The following TMEM117 variants were observed in gnomAD, a reference collection of about 807,000 sequenced individuals.
TMEM117 encodes the protein transmembrane protein 117.
Under a neutral mutation model 52.4 loss-of-function variants are expected in TMEM117, and 27 were observed. The observed-to-expected ratio is 0.51, with a 90% confidence interval of 0.38 to 0.71. The LOEUF (loss-of-function observed/expected upper bound fraction) is 0.71, where lower values mean the gene tolerates loss of function less well. TMEM117 is among the 30% of genes least tolerant of loss of function. The pLI, the probability that TMEM117 is intolerant of heterozygous loss-of-function variation, is 0.00. For missense variants in TMEM117, 556 were observed against 630.5 expected (o/e 0.88, Z 1.26); for synonymous variants, 215 against 206.3 (o/e 1.04, Z -0.36).
intron 5 of TMEM117, among the ~76,000 whole-genome samples, chr12:44,235,174 T>G (rs1949980395): frequency 6.6e-6 from 1 of 150,674 alleles, no homozygotes; most frequent in Non-Finnish European, 1.5e-5. Context: ...TTGAAGTGAT[T>G]CTCTTCGTAC....
At chr12:44,285,792 G>C (rs2138607603) in intron 5 of TMEM117, among the ~76,000 whole-genome samples, 1 of 152,328 alleles carries the variant, frequency 6.6e-6, no homozygotes, top group East Asian at 1.9e-4. Context: ...GGCCATCTGT[G>C]ACTTCAGTGT....
the TMEM117 span, among the ~76,000 whole-genome samples, chr12:43,813,663 G>GT: frequency 6.6e-6 from 1 of 151,998 alleles, no homozygotes; most frequent in Admixed American, 6.6e-5. Flanking sequence ...CCTAGGCAGT[G>GT]TTTTCTACAC....
chr12:44,090,837 G>GTTTTT (rs1565823272), intron 3 of TMEM117, among the ~76,000 whole-genome samples: 1 of 112,424 alleles, frequency 8.9e-6, no homozygotes, highest in African/African-American at 5.3e-5. Flanking sequence ...CTGTATTTAT[G>GTTTTT]TGTTTTTTTT....
chr12:44,336,779 T>C (rs1419697130), intron 6 of TMEM117, among the ~76,000 whole-genome samples: 1 of 151,952 alleles, frequency 6.6e-6, no homozygotes, highest in African/African-American at 2.4e-5. Flanking sequence ...TATAAATGAT[T>C]AAGTCTAGAT....
intron 4 of TMEM117, among the ~76,000 whole-genome samples, chr12:44,186,289 T>C (rs1949277280): frequency 6.6e-6 from 1 of 152,182 alleles, no homozygotes; most frequent in Admixed American, 6.6e-5. Context: ...CAAGGAATCT[T>C]ATGCCTCAAA....
At chr12:44,014,661 A>G (rs1450192885) in intron 3 of TMEM117, among the ~76,000 whole-genome samples, 6 of 152,180 alleles carry the variant, frequency 3.9e-5, no homozygotes, top group South Asian at 2.1e-4. Flanking sequence ...CTCTTGTACT[A>G]TATGGTTAAT....
At chr12:44,324,746 G>A (rs1951174376) in intron 6 of TMEM117, among the ~76,000 whole-genome samples, 1 of 151,938 alleles carries the variant, frequency 6.6e-6, no homozygotes. Context: ...ACAATATGTT[G>A]CTAACATTTC....
chr12:43,995,359 GACTAGAT>G (rs140638171), intron 3 of TMEM117, among the ~76,000 whole-genome samples: 3,316 of 151,740 alleles, frequency 0.022, 44 homozygotes, highest in Middle Eastern at 0.082. Context: ...TTTTCCCTCT[GACTAGAT>G]ACCTTTTGTA....
intron 6 of TMEM117, chr12:44,318,368 T>G (rs80248055): frequency 0.048 from 7,312 of 152,060 alleles, 366 homozygotes; most frequent in African/African-American, 0.12. Context: ...CTATGTACGT[T>G]AAGGTGAGAT....
At chr12:43,871,887 A>G (rs902326302) in intron 2 of TMEM117, among the ~76,000 whole-genome samples, 5 of 152,164 alleles carry the variant, frequency 3.3e-5, no homozygotes, top group African/African-American at 1.2e-4. Flanking sequence ...AAATATACAT[A>G]TCAGTTGATC....
chr12:43,856,143 A>G lies in TMEM117; in HGVS notation c.277+11215A>G, dbSNP rs184041423. 1.8e-4 allele frequency among the ~76,000 whole-genome samples: 28 copies of G among 152,302 alleles called. No homozygotes were observed. In the East Asian group the frequency reaches 4.1e-3, roughly 22 times the overall value. On this transcript the variant is annotated intron_variant, in intron 2 of 7. Transcript: ENST00000266534. ...ATTATTTTAATAATTGTATTATCAG[A>G]GTGCTAAGGACTTTTTTGGGGAAAT...
intron 3 of TMEM117, among the ~76,000 whole-genome samples, chr12:44,125,143 C>T (rs192596092): frequency 0.011 from 1,684 of 152,062 alleles, 34 homozygotes; most frequent in African/African-American, 0.038. Flanking sequence ...CTTGCTCTTT[C>T]GCCCAGGCTG....
chr12:44,093,790 G>T (rs575071733), intron 3 of TMEM117, among the ~76,000 whole-genome samples: 1 of 125,152 alleles, frequency 8.0e-6, no homozygotes, highest in African/African-American at 3.3e-5. Flanking sequence ...CTTTCTTGGA[G>T]GAAGGCAGAT....
chr12:44,141,546 T>C (rs1005705729), intron 3 of TMEM117, among the ~76,000 whole-genome samples: 12 of 152,152 alleles, frequency 7.9e-5, no homozygotes, highest in African/African-American at 2.4e-4. Context: ...TATACAAATG[T>C]ATGCAATTAC....
At chr12:43,922,235 G>T (rs777403248) in intron 2 of TMEM117, among the ~76,000 whole-genome samples, 1 of 152,004 alleles carries the variant, frequency 6.6e-6, no homozygotes, top group Non-Finnish European at 1.5e-5. Context: ...GGCAATACGC[G>T]TGCAGTGGGT....
At chr12:44,300,203 C>T (rs1622682) in intron 6 of TMEM117, among the ~76,000 whole-genome samples, 3,884 of 152,274 alleles carry the variant, frequency 0.026, 158 homozygotes, top group African/African-American at 0.084. Context: ...GAAATTGTTA[C>T]TTTCTTTCAG....
chr12:44,177,294 A>G (rs1243962682), intron 4 of TMEM117, among the ~76,000 whole-genome samples: 1 of 152,150 alleles, frequency 6.6e-6, no homozygotes, highest in Non-Finnish European at 1.5e-5. Context: ...TTGAGCATCC[A>G]TTTTCCTTTT....
chr12:44,275,275 T>C (rs1192843773), intron 5 of TMEM117, among the ~76,000 whole-genome samples: 3 of 152,060 alleles, frequency 2.0e-5, no homozygotes, highest in African/African-American at 4.8e-5. Flanking sequence ...TTAAAATGGT[T>C]TCTATCCAAA....
intron 2 of TMEM117, among the ~76,000 whole-genome samples, chr12:43,873,256 T>C (rs1247288605): frequency 6.7e-6 from 1 of 149,706 alleles, no homozygotes; most frequent in Admixed American, 6.8e-5. Flanking sequence ...ATTTTTCTTC[T>C]AATAGGGTTA....
Sources: allele counts gnomAD v4.1 joint callset (sites outside exome capture counted in the v4.1 genomes callset), GRCh38; gene constraint gnomAD v4.1.1; transcripts MANE v1.5; gene names NCBI Gene and HGNC (gene_info 2026-07-23, HGNC 2026-07-21).